RIMS2: variants seen among roughly 807,000 people sequenced by gnomAD.
RIMS2 encodes regulating synaptic membrane exocytosis protein 2.
Under a neutral mutation model 174.4 loss-of-function variants are expected in RIMS2, and 59 were observed. That is an observed-to-expected ratio of 0.34 (90% CI 0.27 to 0.42). RIMS2 has a LOEUF of 0.42. RIMS2 is among the 10% of genes least tolerant of loss of function. RIMS2 has a pLI of 1.00. For synonymous variants in RIMS2, 606 were observed against 572.5 expected, an observed-to-expected ratio of 1.06 and a Z score of -0.84; for missense variants, 1,620 against 1,666.3, an observed-to-expected ratio of 0.97 and a Z score of 0.48.
chr8:104,093,626 A>G (rs777750196), intron 19 of RIMS2: 2 of 1,595,256 alleles, frequency 1.3e-6, no homozygotes, highest in Non-Finnish European at 1.7e-6. Context: ...AACGCCCAGG[A>G]GGAAACAAGA....
intron 2 of RIMS2, among the ~76,000 whole-genome samples, chr8:103,731,553 T>C (rs1290405994): frequency 6.6e-6 from 1 of 152,298 alleles, no homozygotes; most frequent in East Asian, 1.9e-4. Context: ...CTCTATCTCC[T>C]CTTTCAGGAC....
chr8:104,212,500 A>T (rs757739947), intron 19 of RIMS2, among the ~76,000 whole-genome samples: 1 of 152,178 alleles, frequency 6.6e-6, no homozygotes, highest in Non-Finnish European at 1.5e-5. Flanking sequence ...TAAGATAAGG[A>T]CCTGAAAGTC....
intron 19 of RIMS2, 23 bp downstream of exon 22, chr8:104,041,381 GTTA>G (rs1565989538): frequency 1.5e-6 from 1 of 681,914 alleles, no homozygotes; most frequent in South Asian, 1.6e-5. Context: ...TGCTTTTTTT[GTTA>G]TTATTTTATT....
intron 19 of RIMS2, among the ~76,000 whole-genome samples, chr8:104,231,622 T>G (rs1191662771): frequency 1.3e-5 from 2 of 152,226 alleles, no homozygotes; most frequent in African/African-American, 4.8e-5. Flanking sequence ...CTCTTCCTAG[T>G]TGTATGGACT....
intron 19 of RIMS2, among the ~76,000 whole-genome samples, chr8:104,078,616 T>C (rs1290769841): frequency 2.0e-5 from 3 of 152,198 alleles, no homozygotes; most frequent in African/African-American, 7.2e-5. Flanking sequence ...GACTTCAGTA[T>C]AGGAATTTGG....
chr8:103,943,024 A>G lies in RIMS2; in HGVS notation c.2701+98A>G, dbSNP rs537716801. 10 of 862,884 alleles carry G rather than the reference A, an allele frequency of 1.2e-5. No individual in the cohort carries two copies. In the South Asian group the frequency reaches 1.4e-4, roughly 12 times the overall value. 53.5% of individuals were successfully genotyped at this position (862,884 alleles called of 1,614,324 possible). Reference sequence around the variant, plus strand: ...CTTGAAGATATCTTTGTGAATATTAATAGTCATTTGTTAGTGTTTCCATAG... The same window carrying G: ...CTTGAAGATATCTTTGTGAATATTAGTAGTCATTTGTTAGTGTTTCCATAG... On this transcript the variant is annotated intron_variant, in intron 14 of 23. Transcript: ENST00000504942.
At chr8:104,114,516 T>C (rs2098247752) in intron 19 of RIMS2, among the ~76,000 whole-genome samples, 1 of 151,980 alleles carries the variant, frequency 6.6e-6, no homozygotes, top group African/African-American at 2.4e-5. Context: ...GGTACTACTA[T>C]TTTCCTTAAG....
intron 2 of RIMS2, among the ~76,000 whole-genome samples, chr8:103,737,815 T>A (rs1218733228): frequency 6.6e-6 from 1 of 152,204 alleles, no homozygotes; most frequent in African/African-American, 2.4e-5. Flanking sequence ...TTCTCATCTT[T>A]GATATAGTTC....
chr8:103,933,848 A>G (rs1309317561), intron 12 of RIMS2, among the ~76,000 whole-genome samples: 2 of 152,178 alleles, frequency 1.3e-5, no homozygotes, highest in East Asian at 1.9e-4. Context: ...GTTATGAATT[A>G]TTAATTTTTT....
chr8:104,143,649 C>G (rs1371182673), intron 19 of RIMS2, among the ~76,000 whole-genome samples: 3 of 152,194 alleles, frequency 2.0e-5, no homozygotes, highest in Admixed American at 2.0e-4. Context: ...TCTTCAAACT[C>G]TTGAACAGTA....
chr8:103,586,589 A>C (rs1170601168), intron 1 of RIMS2, among the ~76,000 whole-genome samples: 1 of 152,190 alleles, frequency 6.6e-6, no homozygotes, highest in Non-Finnish European at 1.5e-5. Context: ...TTTGGAATGC[A>C]GCAACAGCAG....
intron 19 of RIMS2, among the ~76,000 whole-genome samples, chr8:104,211,053 A>T (rs944727544): frequency 6.6e-6 from 1 of 152,232 alleles, no homozygotes; most frequent in African/African-American, 2.4e-5. Flanking sequence ...TCCAAACTAG[A>T]GACACACACC....
intron 1 of RIMS2, chr8:103,501,631 T>A (rs1819990766): frequency 6.5e-6 from 1 of 152,840 alleles, no homozygotes; most frequent in Non-Finnish European, 1.5e-5. Context: ...CTAAGCTCTG[T>A]CGCGGTCGGG....
At position 103,577,172 on chromosome 8, in the gene RIMS2, T is replaced by A. The variant is rs191485440; in HGVS notation, c.176+76110T>A. 4.1e-3 allele frequency among the ~76,000 whole-genome samples: 630 copies of A among 152,166 alleles called. 4 individuals carry two copies. The highest frequency in any genetic ancestry group is 7.6e-3 in the Admixed American group (116 of 15,272). On this transcript the variant is annotated intron_variant, in intron 1 of 23. Coordinates refer to ENST00000504942, the Ensembl canonical transcript of RIMS2. ...AATGGGAGAAAATTTTTGCAATATATCCATCTGACAAAGGGCTAATATCTA... is the reference window on the plus strand; with the variant it reads ...AATGGGAGAAAATTTTTGCAATATAACCATCTGACAAAGGGCTAATATCTA...
chr8:103,961,475 T>C (rs1426141264), intron 15 of RIMS2, among the ~76,000 whole-genome samples: 1 of 152,154 alleles, frequency 6.6e-6, no homozygotes. Flanking sequence ...GAAATCTTTT[T>C]TATGTAACCA....
At chr8:103,802,803 T>G (rs1176627667) in intron 3 of RIMS2, among the ~76,000 whole-genome samples, 2 of 152,104 alleles carry the variant, frequency 1.3e-5, no homozygotes, top group Non-Finnish European at 1.5e-5. Context: ...TTACTGAAGT[T>G]TAAGGAGCAG....
intron 19 of RIMS2, among the ~76,000 whole-genome samples, chr8:104,114,205 A>AT (rs1463625405): frequency 3.3e-5 from 5 of 152,040 alleles, no homozygotes; most frequent in Admixed American, 3.3e-4. Context: ...TACCTTTAAG[A>AT]TAAAAACAAC....
chr8:103,760,611 C>G (rs2098100472), intron 2 of RIMS2, among the ~76,000 whole-genome samples: 1 of 152,172 alleles, frequency 6.6e-6, no homozygotes, highest in African/African-American at 2.4e-5. Context: ...GGTTGAGCCT[C>G]TGGATTTCCA....
chr8:104,093,547 T>C lies in RIMS2; in HGVS notation c.3334+78932T>C, dbSNP rs780372267. On this transcript the variant is annotated intron_variant, in intron 19 of 23. Coordinates refer to ENST00000504942, the Ensembl canonical transcript of RIMS2. ...TCTTCGGACAGTGATGTAAGTGATA[T>C]ATCTGCGGTTTCAAGGACTAGTAGT... 39 of 1,597,186 alleles carry C rather than the reference T, an allele frequency of 2.4e-5. No individual in the cohort carries two copies. The Admixed American group carries it at 6.3e-4, about 26-fold the overall frequency.
Sources: allele counts gnomAD v4.1 joint callset (sites outside exome capture counted in the v4.1 genomes callset), GRCh38; gene constraint gnomAD v4.1.1; transcripts MANE v1.5; gene names NCBI Gene and HGNC (gene_info 2026-07-23, HGNC 2026-07-21).